The following KANK1 variants were observed in gnomAD, a reference collection of about 807,000 sequenced individuals.
The protein encoded by KANK1 is KN motif and ankyrin repeat domains 1.
A neutral mutation model predicts 106.2 loss-of-function variants in KANK1; 109 were observed. That is an observed-to-expected ratio of 1.03 (90% CI 0.88 to 1.20). The LOEUF (loss-of-function observed/expected upper bound fraction) is 1.20, where lower values mean the gene tolerates loss of function less well. Ranked by LOEUF, KANK1 falls within the 50% of genes most tolerant of loss-of-function variation. The pLI, the probability that KANK1 is intolerant of heterozygous loss-of-function variation, is 0.00. For synonymous variants in KANK1, 873 were observed against 652.2 expected (o/e 1.34, Z -5.16); for missense variants, 2,399 against 1,710.7 (o/e 1.40, Z -7.10).
At chr9:472,153 G>A (rs558426788) in intron 2 of KANK1, among the ~76,000 whole-genome samples, 1 of 152,122 alleles carries the variant, frequency 6.6e-6, no homozygotes. Flanking sequence ...CTTATTCACA[G>A]CCTCTTATAG....
intron 1 of KANK1, among the ~76,000 whole-genome samples, chr9:608,340 A>T (rs953936323): frequency 6.6e-5 from 10 of 151,980 alleles, no homozygotes; most frequent in African/African-American, 2.2e-4. Flanking sequence ...GAATTATAAC[A>T]ATAAGTTTCA....
intron 6 of KANK1, 107 bp downstream of exon 6, chr9:732,724 G>A: frequency 7.9e-7 from 1 of 1,272,068 alleles, no homozygotes; most frequent in Non-Finnish European, 1.1e-6. Flanking sequence ...GCTTTTATCT[G>A]TTCCTCAGAG....
At chr9:620,159 T>A (rs1832802286) in intron 1 of KANK1, among the ~76,000 whole-genome samples, 1 of 152,004 alleles carries the variant, frequency 6.6e-6, no homozygotes, top group Non-Finnish European at 1.5e-5. Flanking sequence ...TTTTGTTGTA[T>A]TCTCAGTTGT....
intron 2 of KANK1, among the ~76,000 whole-genome samples, chr9:709,685 G>A (rs1464883796): frequency 1.4e-5 from 2 of 147,994 alleles, no homozygotes; most frequent in African/African-American, 2.5e-5. Context: ...GTGTGACCTC[G>A]CCTCACTGCA....
chr9:563,989 C>G (rs1396054595), intron 1 of KANK1, among the ~76,000 whole-genome samples: 1 of 151,976 alleles, frequency 6.6e-6, no homozygotes, highest in Non-Finnish European at 1.5e-5. Flanking sequence ...GGATCTTTGT[C>G]TTACTTAGTC....
chr9:600,030 T>A (rs188702378), intron 1 of KANK1, among the ~76,000 whole-genome samples: 1 of 151,978 alleles, frequency 6.6e-6, no homozygotes, highest in East Asian at 1.9e-4. Flanking sequence ...TTACCTTAAA[T>A]TTTTTTAAAG....
chr9:692,005 T>C (rs959128717), intron 2 of KANK1, among the ~76,000 whole-genome samples: 13 of 152,158 alleles, frequency 8.5e-5, no homozygotes, highest in Non-Finnish European at 1.8e-4. Context: ...CTGAATTTTA[T>C]CACAGGGCAG....
intron 1 of KANK1, among the ~76,000 whole-genome samples, chr9:508,121 C>CTTTTTT (rs71314711): frequency 1.6e-3 from 61 of 39,172 alleles, no homozygotes; most frequent in South Asian, 3.1e-3. Flanking sequence ...CCTGCTCAGC[C>CTTTTTT]TTTTTTTTTT....
intron 1 of KANK1, among the ~76,000 whole-genome samples, chr9:542,399 C>T (rs891011375): frequency 6.6e-6 from 1 of 152,178 alleles, no homozygotes; most frequent in Non-Finnish European, 1.5e-5. Flanking sequence ...TTATCAAAGG[C>T]AAAAGGTAAC....
intron 1 of KANK1, among the ~76,000 whole-genome samples, chr9:506,333 G>T (rs1563684803): frequency 6.6e-6 from 1 of 152,226 alleles, no homozygotes; most frequent in African/African-American, 2.4e-5. Context: ...AGTATTGGCT[G>T]TCCTATGGGG....
At chr9:543,553 C>G (rs376430186) in intron 1 of KANK1, among the ~76,000 whole-genome samples, 1 of 122,102 alleles carries the variant, frequency 8.2e-6, no homozygotes, top group Non-Finnish European at 1.6e-5. Flanking sequence ...GAGTGAAACT[C>G]TGTCTCAAAA....
Position 712,957 on chromosome 9 carries a change from A to G in KANK1, c.2191A>G (p.Thr731Ala). 6.2e-7 allele frequency: 1 copy of G among 1,614,214 alleles called. No homozygotes were observed. The highest frequency in any genetic ancestry group is 1.1e-5 in the South Asian group (1 of 91,068). Residue 731 changes from threonine to alanine, a missense_variant, in exon 3 of 12, where the codon ACC becomes GCC. Transcript: ENST00000382297. ...EGRVKDINSS[T>A]KTRSIGVGTL... Reference sequence around the variant, plus strand: ...CCGTGTCAAGGACATCAACTCCTCCACCAAGACGCGGTCCATTGGTGTTGG... The same window carrying G: ...CCGTGTCAAGGACATCAACTCCTCCGCCAAGACGCGGTCCATTGGTGTTGG...
chr9:622,623 G>T (rs779794251), intron 1 of KANK1, among the ~76,000 whole-genome samples: 1 of 152,178 alleles, frequency 6.6e-6, no homozygotes, highest in Non-Finnish European at 1.5e-5. Context: ...ACTGTAAGAG[G>T]CCGGGTGCAG....
intron 1 of KANK1, among the ~76,000 whole-genome samples, chr9:607,421 G>T (rs1329329815): frequency 2.1e-5 from 3 of 143,108 alleles, no homozygotes; most frequent in Non-Finnish European, 4.5e-5. Context: ...GGAAGCAGAG[G>T]TTGCAGTGAG....
At chr9:554,410 C>G (rs1168716444) in intron 1 of KANK1, among the ~76,000 whole-genome samples, 1 of 152,178 alleles carries the variant, frequency 6.6e-6, no homozygotes, top group Non-Finnish European at 1.5e-5. Context: ...TTGGATGACA[C>G]CCATCCACAC....
At chr9:680,656 C>G (rs1054105999) in intron 2 of KANK1, among the ~76,000 whole-genome samples, 2 of 152,120 alleles carry the variant, frequency 1.3e-5, no homozygotes, top group Non-Finnish European at 1.5e-5. Flanking sequence ...AAGGATTGTA[C>G]ATTCTAGGGA....
At chr9:512,021 A>G (rs904356067) in intron 1 of KANK1, among the ~76,000 whole-genome samples, 20 of 144,336 alleles carry the variant, frequency 1.4e-4, no homozygotes, top group Admixed American at 1.2e-3. Flanking sequence ...CTTTGCTCCC[A>G]TGACTATTGC....
At chr9:489,558 T>A (rs2058345210) in intron 3 of KANK1, among the ~76,000 whole-genome samples, 1 of 152,196 alleles carries the variant, frequency 6.6e-6, no homozygotes, top group Admixed American at 6.5e-5. Context: ...TGGCCCAGAT[T>A]TGAAAATCAG....
At chr9:491,663 G>A (rs116361093) in intron 3 of KANK1, among the ~76,000 whole-genome samples, 2,184 of 152,252 alleles carry the variant, frequency 0.014, 33 homozygotes, top group African/African-American at 0.049. Context: ...GATTTGGGGC[G>A]AGAAAAGGGA....
Sources: allele counts gnomAD v4.1 joint callset (sites outside exome capture counted in the v4.1 genomes callset), GRCh38; gene constraint gnomAD v4.1.1; transcripts MANE v1.5; gene names NCBI Gene and HGNC (gene_info 2026-07-23, HGNC 2026-07-21).